The following SLC15A1 variants were observed in gnomAD, a reference collection of about 807,000 sequenced individuals.
The protein encoded by SLC15A1 is Caco-2 oligopeptide transporter.
A neutral mutation model predicts 92.9 loss-of-function variants in SLC15A1; 83 were observed. The observed-to-expected ratio is 0.89, with a 90% confidence interval of 0.75 to 1.07. The LOEUF is 1.07. Among genes scored for constraint, SLC15A1 ranks in the 50% least tolerant of loss-of-function variants. SLC15A1 has a pLI of 0.00. For missense variants in SLC15A1, 857 were observed against 880.1 expected (o/e 0.97, Z 0.33); for synonymous variants, 322 against 318.2 (o/e 1.01, Z -0.13).
At chr13:98,709,524 C>T (rs550931195) in intron 14 of SLC15A1, 48 bp downstream of exon 14, 2 of 1,526,230 alleles carry the variant, frequency 1.3e-6, no homozygotes, top group African/African-American at 2.7e-5. Flanking sequence ...ATCTGCAAAG[C>T]CCTGGGACCA....
At chr13:98,737,017 C>A (rs1024840337) in intron 1 of SLC15A1, among the ~76,000 whole-genome samples, 2 of 152,210 alleles carry the variant, frequency 1.3e-5, no homozygotes, top group Non-Finnish European at 2.9e-5. Flanking sequence ...GATTATAAAT[C>A]ATGCTACTAT....
At chr13:98,741,154 C>T (rs1360287566) in intron 1 of SLC15A1, among the ~76,000 whole-genome samples, 3 of 152,130 alleles carry the variant, frequency 2.0e-5, no homozygotes, top group South Asian at 4.1e-4. Context: ...GACAAGTGAG[C>T]GAGGGCCACT....
intron 1 of SLC15A1, 46 bp from the exon 2 acceptor site, chr13:98,726,905 T>C: frequency 3.1e-6 from 5 of 1,602,358 alleles, no homozygotes; most frequent in Non-Finnish European, 4.3e-6. Flanking sequence ...GCCATTACAA[T>C]AGTTTTTGCT....
intron 1 of SLC15A1, among the ~76,000 whole-genome samples, chr13:98,745,800 T>C (rs1296951396): frequency 6.6e-6 from 1 of 152,184 alleles, no homozygotes; most frequent in Non-Finnish European, 1.5e-5. Flanking sequence ...ACAGACACCA[T>C]AGCAAACAAG....
At chr13:98,717,179 T>G (rs1323414956) in intron 8 of SLC15A1, among the ~76,000 whole-genome samples, 1 of 152,154 alleles carries the variant, frequency 6.6e-6, no homozygotes, top group East Asian at 1.9e-4. Context: ...ATTAAGAGGG[T>G]CTGAGATTTT....
At chr13:98,723,046 G>A (rs905421121) in intron 5 of SLC15A1, among the ~76,000 whole-genome samples, 1 of 152,154 alleles carries the variant, frequency 6.6e-6, no homozygotes, top group Non-Finnish European at 1.5e-5. Context: ...ACACAACTAG[G>A]AAAGGGCACA....
intron 12 of SLC15A1, 40 bp from the exon 13 acceptor site, chr13:98,709,814 G>A: frequency 6.2e-7 from 1 of 1,614,124 alleles, no homozygotes. Context: ...AAAATGTCAT[G>A]AAAGGGAAGA....
chr13:98,740,848 G>C (rs944901938), intron 1 of SLC15A1, among the ~76,000 whole-genome samples: 2 of 152,166 alleles, frequency 1.3e-5, no homozygotes. Context: ...TTCCAAAATG[G>C]ATGAACTTTG....
At chr13:98,740,882 C>T (rs1194437634) in intron 1 of SLC15A1, among the ~76,000 whole-genome samples, 1 of 152,162 alleles carries the variant, frequency 6.6e-6, no homozygotes, top group Non-Finnish European at 1.5e-5. Context: ...AAGTGTTTTT[C>T]TTTCCTTAAA....
At chr13:98,752,528 G>A in intron 1 of SLC15A1, 67 bp downstream of exon 1, 1 of 1,258,422 alleles carries the variant, frequency 7.9e-7, no homozygotes. Context: ...CCGGCCCTCG[G>A]TGCCGGCCCC....
intron 1 of SLC15A1, among the ~76,000 whole-genome samples, chr13:98,751,788 G>A (rs1056080244): frequency 7.2e-5 from 11 of 152,202 alleles, no homozygotes; most frequent in African/African-American, 2.7e-4. Flanking sequence ...CTGTCTACAG[G>A]CTCAGATCCC....
chr13:98,722,247 G>A (rs886331626), intron 5 of SLC15A1, among the ~76,000 whole-genome samples: 1 of 152,164 alleles, frequency 6.6e-6, no homozygotes, highest in African/African-American at 2.4e-5. Context: ...TAAGCATTGT[G>A]CCTGGTACAG....
intron 18 of SLC15A1, among the ~76,000 whole-genome samples, chr13:98,690,846 TC>T: frequency 6.6e-6 from 1 of 152,068 alleles, no homozygotes; most frequent in South Asian, 2.1e-4. Context: ...GATTTGCACA[TC>T]TAAACATGTC....
At chr13:98,736,072 C>T (rs6491446) in intron 1 of SLC15A1, among the ~76,000 whole-genome samples, 93,798 of 151,634 alleles carry the variant, frequency 0.62, 31,146 homozygotes, top group African/African-American at 0.87. Context: ...GGAGGCATCA[C>T]GCTACCTGAC....
At chr13:98,723,769 T>C in intron 5 of SLC15A1, 143 bp downstream of exon 5, 5 of 1,125,224 alleles carry the variant, frequency 4.4e-6, no homozygotes, top group Non-Finnish European at 6.2e-6. Context: ...TCAATCTATT[T>C]GACAGCCTTC....
rs33982897 is a variant in SLC15A1 at position 98,705,202 on chromosome 13, G to GAAAAAA, written c.1270-773_1270-768dup. Among the ~76,000 whole-genome samples the GAAAAAA allele has an allele frequency of 2.9e-4, 37 of 127,070 alleles. 1 individual carries two copies. Among genetic ancestry groups the GAAAAAA allele is most frequent in the East Asian group, 1.4e-3 (6 of 4,346 alleles). The allele number at this position is 127,070 out of a possible 152,430, so 83.4% of individuals were successfully genotyped here. A position where few individuals can be genotyped will look rare whatever the true frequency, so the allele number is the denominator to read the frequency against. On this transcript the variant is annotated intron_variant, in intron 16 of 22. Transcript: ENST00000376503. ...CGACAGAGTGAGGCTCTGTATTTAA[G>GAAAAAA]AAAAAAAAAAAAAAAAAGGGATCTC...
Position 98,752,605 on chromosome 13 carries a change from G to A in SLC15A1, c.-7C>T, listed in dbSNP as rs756991988. On this transcript the variant is annotated 5_prime_UTR_variant, in exon 1 of 23. Coordinates refer to ENST00000376503, the MANE Select transcript of SLC15A1 (RefSeq NM_005073.4). ...ACCCGCCGAGCGTACCCATGGCGGC[G>A]GCTCCCAGGGCTCCTGCGACCTGCC... The A allele has an allele frequency of 2.4e-6, 3 of 1,253,248 alleles. No homozygotes were observed. The East Asian group carries it at 9.5e-5, about 39-fold the overall frequency. The allele number at this position is 1,253,248 out of a possible 1,614,324, so 77.6% of individuals were successfully genotyped here.
chr13:98,726,344 G>A, intron 3 of SLC15A1, 24 bp downstream of exon 3: 3 of 1,614,042 alleles, frequency 1.9e-6, no homozygotes, highest in African/African-American at 1.3e-5. Context: ...TCCCTGAAGG[G>A]TGAGAAACGG....
chr13:98,722,146 C>A (rs567486271), intron 5 of SLC15A1, among the ~76,000 whole-genome samples: 1 of 152,302 alleles, frequency 6.6e-6, no homozygotes, highest in Admixed American at 6.5e-5. Flanking sequence ...CAGTAGCTTG[C>A]GAGCTGAGCA....
Sources: gnomAD v4.1 joint callset for allele counts (sites outside exome capture counted in the v4.1 genomes callset) on GRCh38, gnomAD v4.1.1 for gene constraint, MANE v1.5 for transcripts, NCBI Gene and HGNC (gene_info 2026-07-23, HGNC 2026-07-21) for gene names.